MACROD2: variants seen among roughly 807,000 people sequenced by gnomAD.
The protein encoded by MACROD2 is ADP-ribose glycohydrolase MACROD2.
A neutral mutation model predicts 70.4 loss-of-function variants in MACROD2; 36 were observed. The observed-to-expected ratio is 0.51, with a 90% CI of 0.39 to 0.68. The LOEUF is 0.68. Ranked by LOEUF, MACROD2 falls within the 30% of genes least tolerant of loss-of-function variation. The pLI is 0.00. For missense variants in MACROD2, 496 were observed against 538.4 expected, an observed-to-expected ratio of 0.92 and a Z score of 0.78; for synonymous variants, 172 against 178.8, an observed-to-expected ratio of 0.96 and a Z score of 0.30.
intron 2 of MACROD2, among the ~76,000 whole-genome samples, chr20:14,054,985 A>C (rs1275008286): frequency 1.3e-5 from 2 of 152,176 alleles, no homozygotes; most frequent in Non-Finnish European, 1.5e-5. Flanking sequence ...AATTTTGTTA[A>C]TATTAGTATG....
intron 3 of MACROD2, among the ~76,000 whole-genome samples, chr20:14,288,184 T>C (rs866982634): frequency 6.6e-6 from 1 of 151,810 alleles, no homozygotes; most frequent in Non-Finnish European, 1.5e-5. Flanking sequence ...TATCTTTCCT[T>C]CTTCTTCCCC....
intron 8 of MACROD2, among the ~76,000 whole-genome samples, chr20:15,654,233 A>G (rs184306635): frequency 4.2e-4 from 64 of 152,328 alleles, no homozygotes; most frequent in Non-Finnish European, 8.1e-4. Flanking sequence ...CATCACCATT[A>G]TCAGAGAAGT....
At chr20:15,079,779 A>G (rs188568843) in intron 5 of MACROD2, among the ~76,000 whole-genome samples, 17 of 151,538 alleles carry the variant, frequency 1.1e-4, no homozygotes, top group African/African-American at 4.1e-4. Flanking sequence ...TCACAACCAC[A>G]CTCTGGTCTC....
chr20:15,273,387 A>G (rs977189991), intron 6 of MACROD2, among the ~76,000 whole-genome samples: 10 of 151,368 alleles, frequency 6.6e-5, no homozygotes, highest in Non-Finnish European at 1.5e-4. Context: ...GGACCTTGTG[A>G]GCATGTTTAA....
intron 3 of MACROD2, among the ~76,000 whole-genome samples, chr20:14,461,611 T>A (rs1600261393): frequency 6.6e-6 from 1 of 152,020 alleles, no homozygotes; most frequent in South Asian, 2.1e-4. Flanking sequence ...ACCCATTAAC[T>A]CGTCATTTAG....
At chr20:15,876,497 T>A (rs2064676386) in intron 9 of MACROD2, among the ~76,000 whole-genome samples, 1 of 152,206 alleles carries the variant, frequency 6.6e-6, no homozygotes, top group East Asian at 1.9e-4. Context: ...CCACATTTTC[T>A]TAATCCAGTC....
At position 15,084,719 on chromosome 20, in the gene MACROD2, G is replaced by A. The variant is rs571439560; in HGVS notation, c.419-145221G>A. Among the ~76,000 whole-genome samples, 14 of 152,146 alleles carry A rather than the reference G, an allele frequency of 9.2e-5. No individual in the cohort carries two copies. The East Asian group carries it at 1.5e-3, about 17-fold the overall frequency. On this transcript the variant is annotated intron_variant, in intron 5 of 17. Transcript: ENST00000684519. ...GAAAAAAGTTATTTTTTTCTTTTAA[G>A]CATACATTCAGTTCTTCCTTGGCAA...
intron 5 of MACROD2, among the ~76,000 whole-genome samples, chr20:14,971,972 G>T (rs1181212572): frequency 6.6e-6 from 1 of 152,200 alleles, no homozygotes; most frequent in Non-Finnish European, 1.5e-5. Flanking sequence ...TATGTCTGCA[G>T]CTCAGTTTTA....
intron 4 of MACROD2, among the ~76,000 whole-genome samples, chr20:14,586,743 T>C (rs1049602946): frequency 3.3e-5 from 5 of 152,092 alleles, no homozygotes; most frequent in Non-Finnish European, 1.5e-5. Context: ...AGTTTTGATA[T>C]ACTACTTTTG....
At chr20:14,474,956 A>G (rs971482747) in intron 3 of MACROD2, among the ~76,000 whole-genome samples, 1 of 152,102 alleles carries the variant, frequency 6.6e-6, no homozygotes, top group African/African-American at 2.4e-5. Flanking sequence ...TTTATGTTCA[A>G]GGTAATTGTT....
chr20:15,979,362 G>A (rs2066361176), intron 13 of MACROD2, among the ~76,000 whole-genome samples: 3 of 152,138 alleles, frequency 2.0e-5, no homozygotes, highest in Admixed American at 2.0e-4. Flanking sequence ...CAGTACACAT[G>A]ATGTCTGTTC....
chr20:15,431,921 A>AT (rs147223133), intron 7 of MACROD2, among the ~76,000 whole-genome samples: 2 of 151,624 alleles, frequency 1.3e-5, no homozygotes, highest in Admixed American at 1.3e-4. Context: ...TAAACTGCAA[A>AT]TTTTTTTTTC....
intron 3 of MACROD2, among the ~76,000 whole-genome samples, chr20:14,230,654 T>TATATATATAAA: frequency 0.018 from 1,321 of 74,136 alleles, 156 homozygotes; most frequent in African/African-American, 0.082. Flanking sequence ...TATATATATA[T>TATATATATAAA]AACACAGGCT....
At chr20:15,397,981 T>C (rs1490336703) in intron 6 of MACROD2, among the ~76,000 whole-genome samples, 1 of 152,150 alleles carries the variant, frequency 6.6e-6, no homozygotes, top group Non-Finnish European at 1.5e-5. Context: ...CTGCTAGAAG[T>C]ATTACGCAGA....
chr20:14,514,994 TA>T (rs1467682419), intron 4 of MACROD2, among the ~76,000 whole-genome samples: 14 of 152,026 alleles, frequency 9.2e-5, no homozygotes. Context: ...AGGCTGTCAT[TA>T]AATTAGAGCT....
intron 4 of MACROD2, among the ~76,000 whole-genome samples, chr20:14,543,192 T>A (rs1037855272): frequency 5.3e-5 from 8 of 152,156 alleles, no homozygotes; most frequent in Non-Finnish European, 1.2e-4. Flanking sequence ...TGTATTATGT[T>A]TTCCTATCTG....
intron 4 of MACROD2, among the ~76,000 whole-genome samples, chr20:14,625,275 C>T (rs1405407931): frequency 6.6e-6 from 1 of 151,648 alleles, no homozygotes; most frequent in Non-Finnish European, 1.5e-5. Flanking sequence ...TGCAGTGAGT[C>T]GAGATCGTGC....
chr20:14,425,487 A>C (rs951198563), intron 3 of MACROD2, among the ~76,000 whole-genome samples: 25 of 152,222 alleles, frequency 1.6e-4, no homozygotes, highest in Non-Finnish European at 3.4e-4. Flanking sequence ...TTTTCTGTGC[A>C]GCTCTTATTT....
intron 12 of MACROD2, among the ~76,000 whole-genome samples, chr20:15,959,101 C>T (rs1456817640): frequency 6.6e-6 from 1 of 152,168 alleles, no homozygotes; most frequent in African/African-American, 2.4e-5. Context: ...AAAATAATAG[C>T]AGATTAAAAC....
Sources: gnomAD v4.1 joint callset for allele counts (sites outside exome capture counted in the v4.1 genomes callset) on GRCh38, gnomAD v4.1.1 for gene constraint, MANE v1.5 for transcripts, NCBI Gene and HGNC (gene_info 2026-07-23, HGNC 2026-07-21) for gene names.